The following QSOX1 variants were observed in gnomAD, a reference collection of about 807,000 sequenced individuals.
The protein encoded by QSOX1 is quiescin sulfhydryl oxidase 1, also known as sulfhydryl oxidase 1.
QSOX1 carries 40 observed loss-of-function variants against 76.1 expected under a neutral mutation model. That is an observed-to-expected ratio of 0.53 (90% CI 0.41 to 0.68). The LOEUF (loss-of-function observed/expected upper bound fraction) is 0.68, where lower values mean the gene tolerates loss of function less well. Ranked by LOEUF, QSOX1 falls within the 30% of genes least tolerant of loss-of-function variation. QSOX1 has a pLI of 0.00. For missense variants in QSOX1, 931 were observed against 974.3 expected (o/e 0.96, Z 0.59); for synonymous variants, 392 against 413.1 (o/e 0.95, Z 0.62).
chr1:180,162,861 T>C (rs1662524528), intron 1 of QSOX1, among the ~76,000 whole-genome samples: 1 of 152,180 alleles, frequency 6.6e-6, no homozygotes, highest in South Asian at 2.1e-4. Flanking sequence ...AATGAAAATA[T>C]AGAATGTTAC....
In QSOX1 at chr1:180,166,600, C is replaced by A; in HGVS notation, c.366+9C>A. The A allele has an allele frequency of 6.2e-7, 1 of 1,611,838 alleles. No individual in the cohort carries two copies. The stretch of plus-strand genomic sequence containing the variant: ...GCTTCCCGACTGTGAGGGTGTGTGA[C>A]TGACAGGAGGGGAAGGCAGGCTGGG... On this transcript the variant is annotated intron_variant, in intron 2 of 11. Transcript: ENST00000367602.
Position 180,190,315 on chromosome 1 carries a change from C to G in QSOX1, c.1141-118C>G, listed in dbSNP as rs564907673. On this transcript the variant is annotated intron_variant, in intron 9 of 11. Coordinates refer to ENST00000367602, the MANE Select transcript of QSOX1 (RefSeq NM_002826.5). ...ACTGGTGAAAGGGAAATGCCACCTT[C>G]GAGGTGATAGACTGAGGGACCTCAT... is the stretch of plus-strand genomic sequence containing the variant. 67 of 1,172,582 alleles carry G rather than the reference C, an allele frequency of 5.7e-5. No individual in the cohort carries two copies. In the East Asian group the frequency reaches 1.3e-3, roughly 23 times the overall value. 72.6% of individuals were successfully genotyped at this position (1,172,582 alleles called of 1,614,324 possible).
intron 8 of QSOX1, among the ~76,000 whole-genome samples, chr1:180,187,171 G>A (rs543592772): frequency 3.3e-5 from 5 of 152,286 alleles, no homozygotes; most frequent in African/African-American, 1.2e-4. Flanking sequence ...CCCTGTCCTG[G>A]CCCCCTGGCT....
intron 8 of QSOX1, among the ~76,000 whole-genome samples, chr1:180,188,574 A>G (rs1663230693): frequency 2.0e-5 from 3 of 152,246 alleles, no homozygotes; most frequent in African/African-American, 4.8e-5. Context: ...CACGTGTCAA[A>G]GCGTGGTCTT....
intron 1 of QSOX1, among the ~76,000 whole-genome samples, chr1:180,165,851 C>T (rs561547652): frequency 1.3e-4 from 19 of 151,868 alleles, no homozygotes; most frequent in African/African-American, 3.9e-4. Context: ...AATGTTTCAG[C>T]GGCCAGCAGC....
chr1:180,183,184 C>T (rs188307955), intron 6 of QSOX1, among the ~76,000 whole-genome samples: 7 of 152,196 alleles, frequency 4.6e-5, no homozygotes, highest in Middle Eastern at 3.4e-3. Context: ...ATCTGCTCAC[C>T]GAGAAACCCA....
chr1:180,197,018 C>G lies in QSOX1; in HGVS notation c.2225C>G (p.Ala742Gly). ...AAGATAAGGGCCCTGAAGGGCCATG[C>G]TGGCCACCCTGCAGCCTGAACCACC... ...QAKIRALKGH[A>G]GHPAA is the part of the protein sequence containing the mutation. Residue 742 changes from alanine (A) to glycine (G), a missense_variant, in exon 12 of 12, where the codon GCT (alanine) becomes GGT (glycine). Physicochemically the swap from Ala to Gly is moderately conservative, Grantham distance 60 (BLOSUM62 0). Transcript: ENST00000367602. The G allele has an allele frequency of 6.2e-7, 1 of 1,610,498 alleles. No individual in the cohort carries two copies. The highest frequency in any genetic ancestry group is 1.1e-5 in the South Asian group (1 of 90,722).
intron 4 of QSOX1, among the ~76,000 whole-genome samples, chr1:180,178,209 G>A (rs554027260): frequency 6.6e-6 from 1 of 152,082 alleles, no homozygotes; most frequent in East Asian, 1.9e-4. Context: ...CTCCCCACAC[G>A]GCCTCCTACC....
chr1:180,180,768 G>T (rs1266869613), intron 5 of QSOX1, among the ~76,000 whole-genome samples: 1 of 152,168 alleles, frequency 6.6e-6, no homozygotes, highest in East Asian at 1.9e-4. Context: ...GACCACCTTG[G>T]CCTCCCAAAA....
intron 2 of QSOX1, among the ~76,000 whole-genome samples, chr1:180,166,942 C>T (rs1163891034): frequency 1.3e-5 from 2 of 152,238 alleles, no homozygotes; most frequent in Non-Finnish European, 2.9e-5. Flanking sequence ...ATGCCTTGAA[C>T]CACAGGTAGC....
At chr1:180,158,561 C>A (rs140246706) in intron 1 of QSOX1, among the ~76,000 whole-genome samples, 2 of 152,166 alleles carry the variant, frequency 1.3e-5, no homozygotes, top group Non-Finnish European at 2.9e-5. Flanking sequence ...CATCCAGTGA[C>A]GTCACTGCCC....
intron 1 of QSOX1, among the ~76,000 whole-genome samples, chr1:180,158,624 T>C (rs1285941060): frequency 6.6e-6 from 1 of 152,142 alleles, no homozygotes; most frequent in African/African-American, 2.4e-5. Context: ...CGCATAGTGC[T>C]GACTAGCTGG....
intron 1 of QSOX1, among the ~76,000 whole-genome samples, chr1:180,165,918 C>T (rs945001998): frequency 8.5e-5 from 13 of 152,230 alleles, no homozygotes; most frequent in South Asian, 8.3e-4. Flanking sequence ...CTTCTTTCCC[C>T]GCAGTTCCTG....
In QSOX1 at chr1:180,195,000, G is replaced by GGGT. The variant is rs1553275534; in HGVS notation, c.1468+610_1468+611insTGG. The stretch of plus-strand genomic sequence containing the variant: ...CACGTGGCTGTGACAGCCTCCCGGG[G>GGGT]GGGGGAGACCAGGGCGGAGCCGAGG... On this transcript the variant is annotated intron_variant, in intron 11 of 11. Transcript: ENST00000367602. Among the ~76,000 whole-genome samples, 24 of 151,202 alleles carry GGGT rather than the reference G, an allele frequency of 1.6e-4. 1 individual carries two copies. Among genetic ancestry groups the GGGT allele is most frequent in the East Asian group, 2.0e-4 (1 of 4,928 alleles).
rs1428485938 is a variant in QSOX1 at position 180,200,289 on chromosome 1, C to T, written c.*3252C>T. 6 of 152,270 alleles carry T rather than the reference C, an allele frequency of 3.9e-5. No homozygotes were observed. The highest frequency in any genetic ancestry group is 8.8e-5 in the Non-Finnish European group (6 of 68,070). The allele number at this position is 152,270 out of a possible 1,614,324, so 9.4% of individuals were successfully genotyped here. ...CTAAGTGCTTAATAATGGTAGCCCA[C>T]TGCTCATGTCGTGTCGTCTCCTGTC... On this transcript the variant is annotated 3_prime_UTR_variant, in exon 12 of 12. Coordinates refer to ENST00000367602, the MANE Select transcript of QSOX1 (RefSeq NM_002826.5).
At chr1:180,194,137 G>T in intron 10 of QSOX1, 76 bp from the exon 11 acceptor site, 1 of 1,420,288 alleles carries the variant, frequency 7.0e-7, no homozygotes, top group East Asian at 2.5e-5. Context: ...GGGGGCGGCA[G>T]GGTGGCCTGG....
At chr1:180,167,536 C>T (rs961509988) in intron 2 of QSOX1, among the ~76,000 whole-genome samples, 4 of 152,158 alleles carry the variant, frequency 2.6e-5, no homozygotes, top group East Asian at 1.9e-4. Context: ...AGCATCCATC[C>T]GGGAAGTAAG....
At chr1:180,178,424 C>T (rs1662949542) in intron 4 of QSOX1, among the ~76,000 whole-genome samples, 1 of 152,212 alleles carries the variant, frequency 6.6e-6, no homozygotes, top group African/African-American at 2.4e-5. Flanking sequence ...GACGGGCTTT[C>T]ACCATGTTGG....
intron 11 of QSOX1, among the ~76,000 whole-genome samples, chr1:180,194,594 C>G (rs1353969797): frequency 6.6e-6 from 1 of 152,250 alleles, no homozygotes; most frequent in East Asian, 1.9e-4. Flanking sequence ...AGACCCTGGT[C>G]TTCCCATGCC....
Sources: gnomAD v4.1 joint callset for allele counts (sites outside exome capture counted in the v4.1 genomes callset) on GRCh38, gnomAD v4.1.1 for gene constraint, MANE v1.5 for transcripts, NCBI Gene and HGNC (gene_info 2026-07-23, HGNC 2026-07-21) for gene names.